PTPRD: variants seen among roughly 807,000 people sequenced by gnomAD.
PTPRD encodes receptor-type tyrosine-protein phosphatase delta.
A neutral mutation model predicts 214.5 loss-of-function variants in PTPRD; 34 were observed. The observed-to-expected ratio is 0.16, with a 90% confidence interval of 0.12 to 0.21. PTPRD has a LOEUF of 0.21. PTPRD is among the 10% of genes least tolerant of loss of function. The probability of loss-of-function intolerance (pLI) is 1.00; values close to 1 mark genes in which losing one functional copy is unlikely to be tolerated. For synonymous variants in PTPRD, 1,128 were observed against 845.7 expected, an observed-to-expected ratio of 1.33 and a Z score of -5.79; for missense variants, 2,545 against 2,398.7, an observed-to-expected ratio of 1.06 and a Z score of -1.27.
chr9:8,563,300 T>A (rs13300787), intron 14 of PTPRD, among the ~76,000 whole-genome samples: 1 of 152,168 alleles, frequency 6.6e-6, no homozygotes, highest in East Asian at 1.9e-4. Flanking sequence ...TCTATGCATA[T>A]GTCAAAACTA....
At chr9:10,565,584 T>C (rs778411556) in intron 2 of PTPRD, among the ~76,000 whole-genome samples, 1 of 151,986 alleles carries the variant, frequency 6.6e-6, no homozygotes, top group Non-Finnish European at 1.5e-5. Flanking sequence ...CGGAACTGTA[T>C]AAATTTTTAA....
Position 8,897,486 on chromosome 9 carries a change from A to C in PTPRD, c.-104+121211T>G, listed in dbSNP as rs116332371. On this transcript the variant is annotated intron_variant, in intron 11 of 45. Coordinates refer to ENST00000381196, the MANE Select transcript of PTPRD (RefSeq NM_002839.4). The stretch of plus-strand genomic sequence containing the variant: ...ATAGTGATGGTGTCTGGCTAAAAGC[A>C]GACACAGAGAATGTGTGGAAGATTT... Among the ~76,000 whole-genome samples the C allele has an allele frequency of 1.5e-3, 223 of 152,286 alleles. 1 individual carries two copies. Among genetic ancestry groups the C allele is most frequent in the African/African-American group, 5.1e-3 (211 of 41,578 alleles).
At chr9:9,839,746 T>C (rs1599364895) in intron 5 of PTPRD, among the ~76,000 whole-genome samples, 2 of 152,092 alleles carry the variant, frequency 1.3e-5, no homozygotes. Flanking sequence ...CATCGCCAAG[T>C]CAGTCCTAAG....
At chr9:9,894,409 A>G (rs186651931) in intron 5 of PTPRD, among the ~76,000 whole-genome samples, 141 of 152,152 alleles carry the variant, frequency 9.3e-4, no homozygotes, top group African/African-American at 3.1e-3. Flanking sequence ...TTGTCTCTAC[A>G]ATTTGCCTTT....
chr9:9,446,749 G>A (rs2090538351), intron 8 of PTPRD, among the ~76,000 whole-genome samples: 1 of 152,020 alleles, frequency 6.6e-6, no homozygotes, highest in African/African-American at 2.4e-5. Flanking sequence ...AGAAGTGAAT[G>A]TTCACAAACT....
chr9:9,912,688 A>G (rs1347617533), intron 5 of PTPRD, among the ~76,000 whole-genome samples: 1 of 152,214 alleles, frequency 6.6e-6, no homozygotes, highest in African/African-American at 2.4e-5. Flanking sequence ...ATTATAATCC[A>G]TAATTACAAT....
intron 5 of PTPRD, among the ~76,000 whole-genome samples, chr9:9,841,551 T>C (rs1599428686): frequency 6.6e-6 from 1 of 152,164 alleles, no homozygotes; most frequent in Non-Finnish European, 1.5e-5. Context: ...TATTAGAATA[T>C]ATACGCTAGA....
chr9:10,535,338 C>T (rs2057499631), intron 2 of PTPRD, among the ~76,000 whole-genome samples: 1 of 152,010 alleles, frequency 6.6e-6, no homozygotes, highest in Admixed American at 6.6e-5. Flanking sequence ...ATAGAAAATC[C>T]ATTTTAACAA....
At chr9:10,024,201 T>G (rs1050117640) in intron 4 of PTPRD, among the ~76,000 whole-genome samples, 2 of 152,280 alleles carry the variant, frequency 1.3e-5, no homozygotes, top group African/African-American at 4.8e-5. Context: ...CCTTGTTGGT[T>G]ACAGTATTAG....
At chr9:10,106,753 T>A (rs2098637288) in intron 3 of PTPRD, among the ~76,000 whole-genome samples, 1 of 151,590 alleles carries the variant, frequency 6.6e-6, no homozygotes, top group Non-Finnish European at 1.5e-5. Flanking sequence ...TAAATAGACA[T>A]AGAAAAAAAG....
chr9:10,465,001 T>C (rs1009470971), intron 2 of PTPRD, among the ~76,000 whole-genome samples: 1 of 152,130 alleles, frequency 6.6e-6, no homozygotes, highest in Non-Finnish European at 1.5e-5. Context: ...ACAACCAATA[T>C]TGCTCAACAT....
chr9:9,393,475 A>G (rs2141007415), intron 9 of PTPRD, among the ~76,000 whole-genome samples: 1 of 152,266 alleles, frequency 6.6e-6, no homozygotes, highest in East Asian at 1.9e-4. Context: ...CATGGAAAAG[A>G]ACTGAGACCT....
At chr9:8,736,236 C>T (rs1034275887) in intron 11 of PTPRD, among the ~76,000 whole-genome samples, 1 of 152,126 alleles carries the variant, frequency 6.6e-6, no homozygotes, top group African/African-American at 2.4e-5. Flanking sequence ...TAATTCTTCA[C>T]GTGTTAAATA....
chr9:9,348,891 C>T (rs2049988130), intron 9 of PTPRD, among the ~76,000 whole-genome samples: 1 of 152,046 alleles, frequency 6.6e-6, no homozygotes, highest in African/African-American at 2.4e-5. Context: ...TCTCTTCTTC[C>T]AATTGTCAGT....
chr9:9,491,625 A>C (rs1379220506), intron 8 of PTPRD, among the ~76,000 whole-genome samples: 2 of 152,070 alleles, frequency 1.3e-5, no homozygotes, highest in African/African-American at 4.8e-5. Flanking sequence ...TTAGAAGTTA[A>C]AAACACAAGT....
chr9:10,316,826 A>G (rs2096446989), intron 3 of PTPRD, among the ~76,000 whole-genome samples: 1 of 151,946 alleles, frequency 6.6e-6, no homozygotes, highest in Non-Finnish European at 1.5e-5. Flanking sequence ...CTTGGTAAAT[A>G]CAGATTCAAC....
rs555422235 is a variant in PTPRD, at chr9:8,360,985, C to G, written c.4661+14951G>C. ...TGTGCACATATATTGATGAGGTATCCCAAATTTTCTAAGTGATTTTCATTC... is the reference window on the plus strand; with the variant it reads ...TGTGCACATATATTGATGAGGTATCGCAAATTTTCTAAGTGATTTTCATTC... On this transcript the variant is annotated intron_variant, in intron 39 of 45. Coordinates refer to ENST00000381196, the MANE Select transcript of PTPRD (RefSeq NM_002839.4). 1.8e-3 allele frequency among the ~76,000 whole-genome samples: 269 copies of G among 152,158 alleles called. 1 individual carries two copies. The highest frequency in any genetic ancestry group is 6.2e-3 in the African/African-American group (259 of 41,502).
intron 10 of PTPRD, among the ~76,000 whole-genome samples, chr9:9,039,408 G>A (rs950334121): frequency 1.3e-5 from 2 of 152,158 alleles, no homozygotes; most frequent in African/African-American, 4.8e-5. Context: ...GAAGGTAGGT[G>A]TACTCCACAT....
intron 9 of PTPRD, among the ~76,000 whole-genome samples, chr9:9,357,444 A>G (rs13296976): frequency 0.087 from 13,147 of 151,332 alleles, 856 homozygotes; most frequent in Non-Finnish European, 0.14. Flanking sequence ...GTATGTAATC[A>G]TTAGGTCTGA....
Sources: allele counts gnomAD v4.1 joint callset (sites outside exome capture counted in the v4.1 genomes callset), GRCh38; gene constraint gnomAD v4.1.1; transcripts MANE v1.5; gene names NCBI Gene and HGNC (gene_info 2026-07-23, HGNC 2026-07-21).